The following RAG1 variants were observed in gnomAD, a reference collection of about 807,000 sequenced individuals.
RAG1 encodes the protein V(D)J recombination-activating protein 1.
In RAG1, 35 loss-of-function variants were observed where a neutral mutation model predicts 62.7. That is an observed-to-expected ratio of 0.56 (90% CI 0.43 to 0.74). RAG1 has a LOEUF of 0.74. RAG1 is among the 30% of genes least tolerant of loss of function. The pLI, the probability that RAG1 is intolerant of heterozygous loss-of-function variation, is 0.00. For missense variants in RAG1, 1,169 were observed against 1,278.6 expected (o/e 0.91, Z 1.31); for synonymous variants, 461 against 470.3 (o/e 0.98, Z 0.26).
intron 1 of RAG1, chr11:36,515,378 G>C (rs1047538833): frequency 3.9e-5 from 6 of 151,970 alleles, no homozygotes; most frequent in Admixed American, 3.3e-4. Context: ...ATCTCCCCCT[G>C]GTTGCCCATT....
chr11:36,538,051 A>G (rs1860358578), downstream of RAG1, among the ~76,000 whole-genome samples: 1 of 152,096 alleles, frequency 6.6e-6, no homozygotes, highest in Non-Finnish European at 1.5e-5. Context: ...CAAGGCCCTT[A>G]CTTGTTCAAT....
At chr11:36,569,976 G>A (rs746593659) in intron 1 of RAG1, among the ~76,000 whole-genome samples, 1 of 152,136 alleles carries the variant, frequency 6.6e-6, no homozygotes, top group Non-Finnish European at 1.5e-5. Flanking sequence ...ATATGCATCA[G>A]TGCATACAGA....
In RAG1 at chr11:36,579,627, T is replaced by C. The variant is rs1159054368; in HGVS notation, c.*3191T>C. 1 of 166,870 alleles carries C rather than the reference T, an allele frequency of 6.0e-6. No homozygotes were observed. The highest frequency in any genetic ancestry group is 2.1e-4 in the South Asian group (1 of 4,822). 10.3% of individuals were successfully genotyped at this position (166,870 alleles called of 1,614,324 possible). ...TTGATTCAGGGGACCTGTGTTTCCA[T>C]GTCAAATGTTTTCAAATAAAATGAA... On this transcript the variant is annotated 3_prime_UTR_variant, in exon 2 of 2. Transcript: ENST00000299440.
At chr11:36,512,206 A>T (rs1350411951) in intron 1 of RAG1, among the ~76,000 whole-genome samples, 1 of 152,170 alleles carries the variant, frequency 6.6e-6, no homozygotes, top group Non-Finnish European at 1.5e-5. Flanking sequence ...CTATGACGAG[A>T]AGGATGCATA....
chr11:36,535,742 C>A (rs1216919576), intron 2 of RAG1, among the ~76,000 whole-genome samples: 1 of 151,920 alleles, frequency 6.6e-6, no homozygotes, highest in African/African-American at 2.4e-5. Flanking sequence ...AAGACTCCCT[C>A]TCAAATAAAT....
chr11:36,538,991 C>T (rs1860373769), downstream of RAG1, among the ~76,000 whole-genome samples: 2 of 152,096 alleles, frequency 1.3e-5, no homozygotes, highest in Admixed American at 1.3e-4. Context: ...TGTTTTTCTT[C>T]CAGGCAATTT....
At chr11:36,572,048 C>T (rs970816571) in intron 1 of RAG1, among the ~76,000 whole-genome samples, 4 of 152,200 alleles carry the variant, frequency 2.6e-5, no homozygotes, top group African/African-American at 2.4e-5. Flanking sequence ...CCTAATCCCA[C>T]CCCTGCTCAA....
In RAG1 at chr11:36,576,264, T is replaced by C. The variant is rs774019296; in HGVS notation, c.2960T>C (p.Met987Thr). Reference sequence around the variant, plus strand: ...GCCAGGCAGTCCAAATGCTATGAGATGGAAGATGTCCTGAAACACCACTGG... The same window carrying C: ...GCCAGGCAGTCCAAATGCTATGAGACGGAAGATGTCCTGAAACACCACTGG... ...MNARQSKCYE[M>T]EDVLKHHWLY... is the part of the protein sequence containing the mutation. Residue 987 changes from methionine (M) to threonine (T), a missense_variant, in exon 2 of 2, where the codon ATG (methionine) becomes ACG (threonine). Coordinates refer to ENST00000299440, the MANE Select transcript of RAG1 (RefSeq NM_000448.3). The C allele has an allele frequency of 1.2e-6, 2 of 1,614,118 alleles. No individual in the cohort carries two copies. The highest frequency in any genetic ancestry group is 1.7e-6 in the Non-Finnish European group (2 of 1,180,034).
chr11:36,529,440 A>C (rs922265533), intron 2 of RAG1, among the ~76,000 whole-genome samples: 1 of 152,214 alleles, frequency 6.6e-6, no homozygotes, highest in African/African-American at 2.4e-5. Flanking sequence ...ACAAAATTGA[A>C]CAGCACTTCA....
chr11:36,560,934 C>G (rs917898614), intron 3 of RAG1, among the ~76,000 whole-genome samples: 1 of 152,202 alleles, frequency 6.6e-6, no homozygotes, highest in Non-Finnish European at 1.5e-5. Flanking sequence ...ACGCTGTACT[C>G]AAAGTGTAGT....
intron 1 of RAG1, among the ~76,000 whole-genome samples, chr11:36,516,960 G>C (rs1041988886): frequency 6.6e-6 from 1 of 152,182 alleles, no homozygotes; most frequent in Admixed American, 6.5e-5. Flanking sequence ...GAGGTTTATC[G>C]TTTAGGAAGT....
chr11:36,528,358 T>C (rs1390403127), intron 2 of RAG1, among the ~76,000 whole-genome samples: 1 of 152,104 alleles, frequency 6.6e-6, no homozygotes, highest in Non-Finnish European at 1.5e-5. Flanking sequence ...ACCACTCAAC[T>C]ACATGGAAAC....
intron 2 of RAG1, among the ~76,000 whole-genome samples, chr11:36,524,734 A>G (rs1173319249): frequency 1.3e-5 from 2 of 151,882 alleles, no homozygotes; most frequent in African/African-American, 4.8e-5. Context: ...CAAGCGACCC[A>G]CCCACCTCGG....
intron 1 of RAG1, among the ~76,000 whole-genome samples, chr11:36,571,363 A>T (rs1424197917): frequency 6.6e-6 from 1 of 152,184 alleles, no homozygotes; most frequent in African/African-American, 2.4e-5. Context: ...GGTTGAGTTC[A>T]ACCTAAGAGG....
intron 2 of RAG1, among the ~76,000 whole-genome samples, chr11:36,531,936 C>T (rs527849532): frequency 4.0e-5 from 6 of 151,866 alleles, no homozygotes; most frequent in Admixed American, 6.6e-5. Flanking sequence ...CATGATGTTG[C>T]GTTTTAGATT....
intron 3 of RAG1, among the ~76,000 whole-genome samples, chr11:36,547,629 AT>A (rs1368650222): frequency 9.9e-5 from 15 of 152,202 alleles, no homozygotes; most frequent in Non-Finnish European, 1.9e-4. Context: ...TGAGGCAGTA[AT>A]TTATAGCCTA....
In RAG1 at chr11:36,558,833, CTCTTCCTCGTT is replaced by C. The variant is rs1007281187; in HGVS notation, c.-411-4547_-411-4537del. 1.9e-4 allele frequency among the ~76,000 whole-genome samples: 29 copies of C among 152,260 alleles called. No individual in the cohort carries two copies. In the Middle Eastern group the frequency reaches 0.014, roughly 71 times the overall value. On this transcript the variant is annotated intron_variant and NMD_transcript_variant, in intron 3 of 9. Transcript: ENST00000534663. ...ATTGTTTTCTGGTTGTTTTGCATTTCTCTTCCTCGTTTCTTTATCTCTTACTGTTTATCTTT... is the reference window on the plus strand; with the variant it reads ...ATTGTTTTCTGGTTGTTTTGCATTTCTCTTTATCTCTTACTGTTTATCTTT...
At chr11:36,522,242 G>A (rs1182320808) in intron 2 of RAG1, among the ~76,000 whole-genome samples, 2 of 152,196 alleles carry the variant, frequency 1.3e-5, no homozygotes, top group African/African-American at 4.8e-5. Context: ...AGGAAAAAGT[G>A]GTTTTGTGGT....
downstream of RAG1, among the ~76,000 whole-genome samples, chr11:36,537,405 A>G (rs1000010098): frequency 3.9e-5 from 6 of 152,194 alleles, no homozygotes; most frequent in South Asian, 8.3e-4. Flanking sequence ...GTGTATATAC[A>G]TGTCAAAACT....
Sources: allele counts gnomAD v4.1 joint callset (sites outside exome capture counted in the v4.1 genomes callset), GRCh38; gene constraint gnomAD v4.1.1; transcripts MANE v1.5; gene names NCBI Gene and HGNC (gene_info 2026-07-23, HGNC 2026-07-21).